SRD5A2: variants seen among roughly 807,000 people sequenced by gnomAD.
SRD5A2 encodes 3-oxo-5-alpha-steroid 4-dehydrogenase 2.
Under a neutral mutation model 27.4 loss-of-function variants are expected in SRD5A2, and 30 were observed. That is an observed-to-expected ratio of 1.10 (90% CI 0.82 to 1.49). The LOEUF is 1.49. SRD5A2 is among the 40% of genes most tolerant of loss of function. SRD5A2 has a pLI of 0.00. For synonymous variants in SRD5A2, 141 were observed against 133.6 expected (o/e 1.06, Z -0.38); for missense variants, 348 against 323.4 (o/e 1.08, Z -0.58).
Position 31,533,533 on chromosome 2 carries a change from C to A in SRD5A2, c.445+70G>T. 2.1e-6 allele frequency: 3 copies of A among 1,423,280 alleles called. No homozygotes were observed. The South Asian group carries it at 3.9e-5, about 18-fold the overall frequency. 88.2% of individuals were successfully genotyped at this position (1,423,280 alleles called of 1,614,324 possible). On this transcript the variant is annotated intron_variant, in intron 2 of 4. Coordinates refer to ENST00000622030, the MANE Select transcript of SRD5A2 (RefSeq NM_000348.4). ...ACGAGGTCATTGCAGTAGGGAGAGG[C>A]CATGGCGATGTAGATTGTGGGAAGG...
chr2:31,622,340 T>C, the SRD5A2 span, among the ~76,000 whole-genome samples: 4 of 152,138 alleles, frequency 2.6e-5, no homozygotes, highest in East Asian at 1.9e-4. Flanking sequence ...ATATTGTATA[T>C]ATGTTCCACA....
the SRD5A2 span, among the ~76,000 whole-genome samples, chr2:31,609,967 T>C: frequency 6.6e-6 from 1 of 152,072 alleles, no homozygotes; most frequent in East Asian, 1.9e-4. Context: ...CAAGACTGAA[T>C]CAGGAAGAAA....
chr2:31,550,865 G>T (rs1273001331), intron 1 of SRD5A2, among the ~76,000 whole-genome samples: 1 of 151,798 alleles, frequency 6.6e-6, no homozygotes, highest in African/African-American at 2.4e-5. Context: ...CAACATGCTA[G>T]AAATTCTAGT....
At position 31,539,046 on chromosome 2, in the gene SRD5A2, T is replaced by C. The variant is rs58067858; in HGVS notation, c.282-5280A>G. Among the ~76,000 whole-genome samples the C allele has an allele frequency of 9.8e-3, 1,492 of 152,324 alleles. 15 individuals are homozygous for C. Among genetic ancestry groups the C allele is most frequent in the Non-Finnish European group, 0.011 (769 of 68,018 alleles). On this transcript the variant is annotated intron_variant, in intron 1 of 4. Coordinates refer to ENST00000622030, the MANE Select transcript of SRD5A2 (RefSeq NM_000348.4). ...ATTTTATCTCACTGTATATGCATCA[T>C]AACTTTTACTTCCAGGGGGGTGTGA...
chr2:31,545,995 A>C (rs1338877858), intron 1 of SRD5A2, among the ~76,000 whole-genome samples: 1 of 152,232 alleles, frequency 6.6e-6, no homozygotes, highest in Non-Finnish European at 1.5e-5. Flanking sequence ...CTTAGGAATT[A>C]ACTAAAGACG....
At chr2:31,655,110 T>C in the SRD5A2 span, among the ~76,000 whole-genome samples, 1 of 152,170 alleles carries the variant, frequency 6.6e-6, no homozygotes, top group Non-Finnish European at 1.5e-5. Context: ...TTTATTTTTA[T>C]TTTTATCTTA....
At chr2:31,616,212 G>T in the SRD5A2 span, among the ~76,000 whole-genome samples, 1 of 152,144 alleles carries the variant, frequency 6.6e-6, no homozygotes, top group Non-Finnish European at 1.5e-5. Context: ...GGACCCTCAT[G>T]GAGAACCTCC....
chr2:31,628,833 T>G, the SRD5A2 span, among the ~76,000 whole-genome samples: 3 of 152,164 alleles, frequency 2.0e-5, no homozygotes, highest in African/African-American at 7.2e-5. Flanking sequence ...GGGGTTCCCT[T>G]TGTATGTGAT....
At chr2:31,551,881 T>C (rs936850513) in intron 1 of SRD5A2, among the ~76,000 whole-genome samples, 3 of 151,964 alleles carry the variant, frequency 2.0e-5, no homozygotes, top group African/African-American at 4.8e-5. Flanking sequence ...GACCCAGAAA[T>C]AGAGCCATAA....
intron 1 of SRD5A2, among the ~76,000 whole-genome samples, chr2:31,572,930 A>G (rs764057111): frequency 2.0e-5 from 3 of 152,252 alleles, no homozygotes; most frequent in Non-Finnish European, 4.4e-5. Context: ...GCCTAATTTA[A>G]GACTTGGGTA....
At chr2:31,572,218 C>A (rs1022980161) in intron 1 of SRD5A2, among the ~76,000 whole-genome samples, 14 of 152,244 alleles carry the variant, frequency 9.2e-5, no homozygotes, top group South Asian at 8.3e-4. Context: ...AACTGAAAAC[C>A]AACTGCATAT....
At chr2:31,603,229 A>T in the SRD5A2 span, among the ~76,000 whole-genome samples, 1 of 151,968 alleles carries the variant, frequency 6.6e-6, no homozygotes, top group Non-Finnish European at 1.5e-5. Context: ...AAAAATTAAA[A>T]GTGGGCAAAG....
the SRD5A2 span, among the ~76,000 whole-genome samples, chr2:31,643,965 AAG>A: frequency 6.6e-6 from 1 of 152,230 alleles, no homozygotes; most frequent in Non-Finnish European, 1.5e-5. Flanking sequence ...AAGCATTCTA[AAG>A]AGCTGAATAT....
chr2:31,648,639 G>C, the SRD5A2 span, among the ~76,000 whole-genome samples: 1 of 152,140 alleles, frequency 6.6e-6, no homozygotes, highest in Non-Finnish European at 1.5e-5. Flanking sequence ...CCTCTTAAAA[G>C]AAAAAGAATC....
intron 1 of SRD5A2, among the ~76,000 whole-genome samples, chr2:31,536,262 T>C (rs1171445675): frequency 2.0e-5 from 3 of 152,230 alleles, no homozygotes; most frequent in African/African-American, 7.2e-5. Context: ...GCAGGCTCAC[T>C]ACTGTAACAA....
chr2:31,583,637 AAG>A (rs1667123727), upstream of SRD5A2, among the ~76,000 whole-genome samples: 4 of 22,394 alleles, frequency 1.8e-4, 1 homozygote, highest in Admixed American at 9.4e-4. Context: ...AACAAAAAAA[AAG>A]CAAAAAAAAA....
the SRD5A2 span, among the ~76,000 whole-genome samples, chr2:31,603,864 G>A: frequency 6.6e-6 from 1 of 151,742 alleles, no homozygotes; most frequent in African/African-American, 2.4e-5. Flanking sequence ...GGACACACTG[G>A]AGGAAACAAC....
At chr2:31,604,279 A>G in the SRD5A2 span, among the ~76,000 whole-genome samples, 80 of 151,966 alleles carry the variant, frequency 5.3e-4, no homozygotes, top group African/African-American at 1.9e-3. Flanking sequence ...ATTTCTAGCT[A>G]GAACAATTGG....
the SRD5A2 span, among the ~76,000 whole-genome samples, chr2:31,586,711 A>G: frequency 1.3e-5 from 2 of 152,258 alleles, no homozygotes; most frequent in Non-Finnish European, 2.9e-5. Flanking sequence ...TCTAAAGCAG[A>G]TACAGCATAG....
Sources: allele counts gnomAD v4.1 joint callset (sites outside exome capture counted in the v4.1 genomes callset), GRCh38; gene constraint gnomAD v4.1.1; transcripts MANE v1.5; gene names NCBI Gene and HGNC (gene_info 2026-07-23, HGNC 2026-07-21).